The following CHN2 variants were observed in gnomAD, a reference collection of about 807,000 sequenced individuals.
CHN2 encodes beta-chimaerin.
A neutral mutation model predicts 56.3 loss-of-function variants in CHN2; 35 were observed. That is an observed-to-expected ratio of 0.62 (90% CI 0.47 to 0.82). CHN2 has a LOEUF of 0.82. Among genes scored for constraint, CHN2 ranks in the 40% least tolerant of loss-of-function variants. The probability of loss-of-function intolerance (pLI) is 0.00; values close to 1 mark genes in which losing one functional copy is unlikely to be tolerated. For missense variants in CHN2, 491 were observed against 580.5 expected (o/e 0.85, Z 1.58); for synonymous variants, 210 against 212.8 (o/e 0.99, Z 0.12).
intron 1 of CHN2, among the ~76,000 whole-genome samples, chr7:29,331,505 G>A (rs1012918511): frequency 6.6e-6 from 1 of 152,072 alleles, no homozygotes; most frequent in African/African-American, 2.4e-5. Context: ...CATTTCTCCC[G>A]CCACCCCCTC....
At chr7:29,454,144 A>G (rs1333802788) in intron 6 of CHN2, among the ~76,000 whole-genome samples, 2 of 152,204 alleles carry the variant, frequency 1.3e-5, no homozygotes, top group Non-Finnish European at 2.9e-5. Context: ...TTCAAAACAA[A>G]GATGACATTT....
chr7:29,151,266 C>CT (rs1793555992), intron 2 of CHN2, among the ~76,000 whole-genome samples: 1 of 152,168 alleles, frequency 6.6e-6, no homozygotes, highest in Non-Finnish European at 1.5e-5. Flanking sequence ...TGCTTGCCTC[C>CT]TTATGCCTGG....
At chr7:29,170,781 G>T (rs1353361255) in intron 2 of CHN2, among the ~76,000 whole-genome samples, 1 of 152,162 alleles carries the variant, frequency 6.6e-6, no homozygotes, top group Non-Finnish European at 1.5e-5. Context: ...CATATGGCTG[G>T]TGGGGGGGCC....
intron 1 of CHN2, among the ~76,000 whole-genome samples, chr7:29,259,427 GAA>G (rs1319596087): frequency 6.6e-6 from 1 of 152,108 alleles, no homozygotes; most frequent in East Asian, 1.9e-4. Flanking sequence ...AGGATATAGA[GAA>G]GAGAGCAAGG....
At chr7:29,334,297 C>T (rs1009115383) in intron 1 of CHN2, among the ~76,000 whole-genome samples, 7 of 152,024 alleles carry the variant, frequency 4.6e-5, no homozygotes, top group African/African-American at 1.7e-4. Flanking sequence ...GTGATCCACT[C>T]GCCTTGGCCT....
intron 1 of CHN2, among the ~76,000 whole-genome samples, chr7:29,311,890 CAAT>C (rs748982253): frequency 1.3e-5 from 2 of 152,120 alleles, no homozygotes; most frequent in Non-Finnish European, 2.9e-5. Context: ...GTCTTGCCCT[CAAT>C]AATGGAGGAG....
chr7:29,184,745 C>T (rs571188212), intron 2 of CHN2, among the ~76,000 whole-genome samples: 2 of 152,280 alleles, frequency 1.3e-5, no homozygotes, highest in African/African-American at 4.8e-5. Context: ...CACACAGAAA[C>T]ACCCAGAAAT....
At chr7:29,482,014 G>A (rs1172683774) in intron 7 of CHN2, among the ~76,000 whole-genome samples, 1 of 152,060 alleles carries the variant, frequency 6.6e-6, no homozygotes, top group South Asian at 2.1e-4. Context: ...ATCCCTGAAT[G>A]GAAAATTAAT....
chr7:29,304,650 A>C (rs1371399221), intron 1 of CHN2, among the ~76,000 whole-genome samples: 1 of 152,200 alleles, frequency 6.6e-6, no homozygotes, highest in East Asian at 1.9e-4. Context: ...TCAGGAGTAC[A>C]AAGATTTGCA....
At chr7:29,167,313 A>T (rs1190008573) in intron 2 of CHN2, among the ~76,000 whole-genome samples, 1 of 152,204 alleles carries the variant, frequency 6.6e-6, no homozygotes, top group Non-Finnish European at 1.5e-5. Flanking sequence ...TCTGAAATTC[A>T]ACCAGATGAA....
At position 29,499,593 on chromosome 7, in the gene CHN2, A is replaced by G. The variant is rs1583415161; in HGVS notation, c.740-274A>G. On this transcript the variant is annotated intron_variant, in intron 8 of 12. Coordinates refer to ENST00000222792, the MANE Select transcript of CHN2 (RefSeq NM_004067.4). ...CTGAAACAGGAAAACATATACAAAA[A>G]AACCTGATCAATTACCTAAGCTGTC... 3.3e-5 allele frequency among the ~76,000 whole-genome samples: 5 copies of G among 151,830 alleles called. No individual in the cohort carries two copies. The South Asian group carries it at 1.0e-3, about 32-fold the overall frequency.
chr7:29,451,809 C>T (rs564670608), intron 6 of CHN2, among the ~76,000 whole-genome samples: 10 of 152,244 alleles, frequency 6.6e-5, no homozygotes, highest in East Asian at 5.8e-4. Context: ...AGTTAGCATC[C>T]GAGACAGGCC....
chr7:29,361,277 A>G (rs1202031995), intron 2 of CHN2, among the ~76,000 whole-genome samples: 1 of 152,218 alleles, frequency 6.6e-6, no homozygotes, highest in Admixed American at 6.5e-5. Context: ...CATGGATGCT[A>G]TAGCTAACCT....
intron 8 of CHN2, 82 bp downstream of exon 8, chr7:29,496,118 A>G: frequency 8.6e-7 from 1 of 1,160,238 alleles, no homozygotes; most frequent in Admixed American, 2.5e-5. Flanking sequence ...GAGCTGGGAA[A>G]TGTGCTCAGA....
At chr7:29,356,282 A>T (rs1036869825) in intron 2 of CHN2, among the ~76,000 whole-genome samples, 3 of 152,210 alleles carry the variant, frequency 2.0e-5, no homozygotes, top group Admixed American at 2.0e-4. Flanking sequence ...ACATAAATAC[A>T]CATATTATGT....
chr7:29,170,204 T>G (rs1316776783), intron 2 of CHN2, among the ~76,000 whole-genome samples: 3 of 152,192 alleles, frequency 2.0e-5, no homozygotes, highest in Non-Finnish European at 4.4e-5. Context: ...CCTTGGCTAC[T>G]TTATGTTTAA....
chr7:29,224,335 G>A (rs941272051), intron 1 of CHN2, among the ~76,000 whole-genome samples: 3 of 152,174 alleles, frequency 2.0e-5, no homozygotes, highest in African/African-American at 7.2e-5. Context: ...AGACTTTTAG[G>A]CCATGGTCAG....
chr7:29,179,001 A>G (rs1797725656), intron 2 of CHN2, among the ~76,000 whole-genome samples: 1 of 152,128 alleles, frequency 6.6e-6, no homozygotes, highest in Non-Finnish European at 1.5e-5. Flanking sequence ...GCACCTCCTC[A>G]GTTATGGTTT....
intron 6 of CHN2, among the ~76,000 whole-genome samples, chr7:29,409,562 T>C (rs1222335783): frequency 6.6e-6 from 1 of 152,206 alleles, no homozygotes; most frequent in African/African-American, 2.4e-5. Flanking sequence ...TATTGTTTTA[T>C]TTGAAGTATA....
Sources: allele counts gnomAD v4.1 joint callset (sites outside exome capture counted in the v4.1 genomes callset), GRCh38; gene constraint gnomAD v4.1.1; transcripts MANE v1.5; gene names NCBI Gene and HGNC (gene_info 2026-07-23, HGNC 2026-07-21).